BRD8: variants seen among roughly 807,000 people sequenced by gnomAD.
The protein encoded by BRD8 is bromodomain containing 8.
BRD8 carries 67 observed loss-of-function variants against 143.1 expected under a neutral mutation model. The ratio of observed to expected loss-of-function variants is 0.47; its 90% CI spans 0.38 to 0.57. The LOEUF is 0.57. BRD8 is among the 20% of genes least tolerant of loss of function. The pLI, the probability that BRD8 is intolerant of heterozygous loss-of-function variation, is 0.00. For missense variants in BRD8, 1,103 were observed against 1,503.0 expected, an observed-to-expected ratio of 0.73 and a Z score of 4.40; for synonymous variants, 505 against 517.1, an observed-to-expected ratio of 0.98 and a Z score of 0.32.
At chr5:138,148,703 C>A (rs1408649421) in intron 23 of BRD8, among the ~76,000 whole-genome samples, 1 of 151,972 alleles carries the variant, frequency 6.6e-6, no homozygotes, top group East Asian at 1.9e-4. Context: ...TTTTTATCCT[C>A]TTCCTTGTCT....
intron 2 of BRD8, among the ~76,000 whole-genome samples, chr5:138,175,668 C>T (rs1378180176): frequency 6.7e-6 from 1 of 149,046 alleles, no homozygotes; most frequent in Non-Finnish European, 1.5e-5. Flanking sequence ...AGTGGGACCT[C>T]GTCTCTACAA....
intron 2 of BRD8, chr5:138,172,832 T>C (rs1331720757): frequency 2.7e-6 from 1 of 377,160 alleles, no homozygotes; most frequent in South Asian, 1.9e-5. Context: ...CCAGCCTGGG[T>C]GACAGAGTAA....
At chr5:138,159,635 C>T (rs1208529341) in intron 19 of BRD8, 36 bp from the exon 20 acceptor site, 4 of 1,606,618 alleles carry the variant, frequency 2.5e-6, no homozygotes, top group African/African-American at 2.7e-5. Flanking sequence ...TCAGGTTCCA[C>T]AGAAACTCTC....
chr5:138,168,704 G>C (rs947904238), intron 8 of BRD8: 2 of 1,340,310 alleles, frequency 1.5e-6, no homozygotes, highest in Non-Finnish European at 1.1e-6. Context: ...AGACAACAGA[G>C]AACCTTTATC....
At chr5:138,145,298 AAGG>A in intron 24 of BRD8, 53 bp from the exon 25 acceptor site, 3 of 1,550,644 alleles carry the variant, frequency 1.9e-6, no homozygotes, top group Non-Finnish European at 2.7e-6. Context: ...AGGCACTCTG[AAGG>A]AGAAGAGTAG....
chr5:138,169,305 A>T lies in BRD8; in HGVS notation c.559T>A (p.Ser187Thr). 6.2e-7 allele frequency: 1 copy of T among 1,614,138 alleles called. No homozygotes were observed. The highest frequency in any genetic ancestry group is 1.6e-4 in the Middle Eastern group (1 of 6,062). ...CCTGGGGAGGCAGAATCTATAGGAG[A>T]GCGAACCATCACAGTGGGTAACCTC... Reference protein sequence around the residue: ...PRRLPTVMVRSPIDSASPGGD... With the variant: ...PRRLPTVMVRTPIDSASPGGD... Residue 187 changes from serine to threonine, a missense_variant, in exon 8 of 27, where the codon TCT (serine) becomes ACT (threonine). By Grantham distance (58) the Ser-to-Thr change is moderately conservative. Transcript: ENST00000254900.
In BRD8 at chr5:138,170,329, A is replaced by G. The variant is rs1304215240; in HGVS notation, c.505+16T>C. On this transcript the variant is annotated intron_variant, in intron 7 of 26. Coordinates refer to ENST00000254900, the MANE Select transcript of BRD8 (RefSeq NM_139199.2). ...GTGCAATCAATTGCTAAAGAGGCATACTAGGTTCAGCTTACCCTGGTATGC... is the reference window on the plus strand; with the variant it reads ...GTGCAATCAATTGCTAAAGAGGCATGCTAGGTTCAGCTTACCCTGGTATGC... 2.6e-6 allele frequency: 4 copies of G among 1,556,408 alleles called. No individual in the cohort carries two copies. The highest frequency in any genetic ancestry group is 3.5e-6 in the Non-Finnish European group (4 of 1,127,442).
In BRD8 at chr5:138,151,547, C is replaced by G. The variant is rs965822027; in HGVS notation, c.2857-539G>C. 5.9e-5 allele frequency among the ~76,000 whole-genome samples: 9 copies of G among 152,218 alleles called. 1 individual carries two copies. The highest frequency in any genetic ancestry group is 5.8e-4 in the East Asian group (3 of 5,206). ...TCAAGGAAAATTTGGGCAAGTATAA[C>G]TTCCCACAACTCCAAAAGCATGAAT... On this transcript the variant is annotated intron_variant, in intron 21 of 26. Coordinates refer to ENST00000254900, the MANE Select transcript of BRD8 (RefSeq NM_139199.2).
intron 16 of BRD8, 94 bp downstream of exon 16, chr5:138,161,960 A>G: frequency 6.4e-7 from 1 of 1,553,300 alleles, no homozygotes; most frequent in Admixed American, 1.7e-5. Flanking sequence ...AACTAATACC[A>G]GCAGTTCCAC....
At position 138,160,191 on chromosome 5, in the gene BRD8, A is replaced by C. The variant is rs1482107393; in HGVS notation, c.2428-18T>G. ...AAGAATTGCTGTAGGGAGAAGAAACAGGGTAGGCCATGGAGACCTGATTTA... is the reference window on the plus strand; with the variant it reads ...AAGAATTGCTGTAGGGAGAAGAAACCGGGTAGGCCATGGAGACCTGATTTA... On this transcript the variant is annotated intron_variant, in intron 18 of 26. Transcript: ENST00000254900. 6.3e-7 allele frequency: 1 copy of C among 1,592,552 alleles called. No individual in the cohort carries two copies. The highest frequency in any genetic ancestry group is 8.6e-7 in the Non-Finnish European group (1 of 1,160,388).
chr5:138,160,805 G>A (rs1752946930), intron 18 of BRD8, 86 bp downstream of exon 18: 2 of 1,290,062 alleles, frequency 1.6e-6, no homozygotes, highest in South Asian at 3.7e-5. Flanking sequence ...AAAAGCCACA[G>A]CAACCCTTCT....
chr5:138,177,636 C>G lies in BRD8; in HGVS notation c.51G>C (p.Glu17Asp), dbSNP rs149128254. ...KHKLLSTGPT[E>D]PWSIREKLCL... ...ATAGCTTCTCTCGGATGGACCATGG[C>G]TCTGTGGGGCCAGTGCTTAGCAGCT... The change falls in exon 2 of 27, where the codon GAG (glutamate) becomes GAC (aspartate). Residue 17 changes from glutamate (E) to aspartate (D), a missense_variant. Coordinates refer to ENST00000254900, the MANE Select transcript of BRD8 (RefSeq NM_139199.2). The G allele has an allele frequency of 2.5e-6, 4 of 1,608,358 alleles. No individual in the cohort carries two copies. In the East Asian group the frequency reaches 6.7e-5, roughly 27 times the overall value.
In BRD8 at chr5:138,172,152, CT is replaced by C; in HGVS notation, c.117-19del. On this transcript the variant is annotated intron_variant, in intron 2 of 26. Coordinates refer to ENST00000254900, the MANE Select transcript of BRD8 (RefSeq NM_139199.2). ...CTGATACCCTACAAAATGAGGAAAG[CT>C]TTATTACACACCAAGCAGAAAACAA... 1 of 1,600,014 alleles carries C rather than the reference CT, an allele frequency of 6.2e-7. No individual in the cohort carries two copies. The highest frequency in any genetic ancestry group is 8.6e-7 in the Non-Finnish European group (1 of 1,168,958).
chr5:138,168,154 T>C lies in BRD8; in HGVS notation c.643-76A>G, dbSNP rs916428577. On this transcript the variant is annotated intron_variant, in intron 8 of 26. Transcript: ENST00000254900. ...CCATTTCCCAACAAAGCTCCAGCAG[T>C]TGATCAAACTTCATGAAAACTAATA... 3.5e-5 allele frequency: 37 copies of C among 1,069,514 alleles called. No homozygotes were observed. The African/African-American group carries it at 5.7e-4, about 16-fold the overall frequency. The allele number at this position is 1,069,514 out of a possible 1,614,324, so 66.3% of individuals were successfully genotyped here. A position where few individuals can be genotyped will look rare whatever the true frequency, so the allele number is the denominator to read the frequency against.
intron 8 of BRD8, chr5:138,168,594 A>G: frequency 6.2e-7 from 1 of 1,607,570 alleles, no homozygotes; most frequent in Non-Finnish European, 8.5e-7. Context: ...TACTGGGGTC[A>G]TGGGGGCTTC....
chr5:138,177,450 G>C (rs1754442430), intron 2 of BRD8, 121 bp downstream of exon 2: 5 of 627,196 alleles, frequency 8.0e-6, no homozygotes, highest in African/African-American at 1.8e-5. Flanking sequence ...CTCAAAAAAA[G>C]AAGAAAAAGA....
chr5:138,165,287 T>C (rs1753309247), intron 11 of BRD8, 121 bp from the exon 12 acceptor site: 2 of 1,091,746 alleles, frequency 1.8e-6, no homozygotes, highest in Admixed American at 2.6e-5. Flanking sequence ...TTCCATGTAG[T>C]GGAGGCAAAC....
rs781230806 is a variant in BRD8 at position 138,163,252 on chromosome 5, C to G, written c.1965G>C (p.Leu655Phe). ...PKEEDQGEGYLSEMDNEPPVS... is the reference protein window; with the variant it reads ...PKEEDQGEGYFSEMDNEPPVS... ...CAGGAGGTTCATTATCCATTTCTGA[C>G]AAGTAGCCTTCTCCTTGATCCTCTT... is the stretch of plus-strand genomic sequence containing the variant. The change falls in exon 15 of 27, where the codon TTG (leucine) becomes TTC (phenylalanine). Residue 655 changes from leucine (L) to phenylalanine (F), a missense_variant. Coordinates refer to ENST00000254900, the MANE Select transcript of BRD8 (RefSeq NM_139199.2). The G allele has an allele frequency of 2.5e-6, 4 of 1,614,130 alleles. No homozygotes were observed. The highest frequency in any genetic ancestry group is 1.3e-5 in the African/African-American group (1 of 75,018).
intron 11 of BRD8, 98 bp downstream of exon 11, chr5:138,165,726 CAAAA>C (rs374362323): frequency 5.7e-3 from 5,353 of 934,622 alleles, no homozygotes; most frequent in Middle Eastern, 8.9e-3. Flanking sequence ...ACTCTGTCTC[CAAAA>C]AAAAAAAAAA....
Sources: gnomAD v4.1 joint callset for allele counts (sites outside exome capture counted in the v4.1 genomes callset) on GRCh38, gnomAD v4.1.1 for gene constraint, MANE v1.5 for transcripts, NCBI Gene and HGNC (gene_info 2026-07-23, HGNC 2026-07-21) for gene names.